Variants in TTN observed in about 807,000 individuals in gnomAD.
The protein encoded by TTN is titin, also known as connectin.
In TTN, 1,525 loss-of-function variants were observed where a neutral mutation model predicts 3,223.0. The ratio of observed to expected loss-of-function variants is 0.47; its 90% CI spans 0.45 to 0.49. The LOEUF (loss-of-function observed/expected upper bound fraction) is 0.49, where lower values mean the gene tolerates loss of function less well. Among genes scored for constraint, TTN ranks in the 20% least tolerant of loss-of-function variants. The probability of loss-of-function intolerance (pLI) is 0.00; values close to 1 mark genes in which losing one functional copy is unlikely to be tolerated. For missense variants in TTN, 40,786 were observed against 43,424.0 expected (o/e 0.94, Z 5.40); for synonymous variants, 14,094 against 15,161.0 (o/e 0.93, Z 5.17).
At chr2:178,758,887 AC>A in intron 44 of TTN, 96 bp downstream of exon 44, 1 of 1,259,350 alleles carries the variant, frequency 7.9e-7, no homozygotes, top group Non-Finnish European at 1.2e-6. Context: ...AATGGTAGGA[AC>A]AACAATGATT....
rs1233850583 is a variant in TTN, at chr2:178,558,164, C to T, written c.87190G>A (p.Val29064Ile). The change falls in exon 328 of 363, where the codon GTT becomes ATT. Residue 29064 changes from valine (V) to isoleucine (I), a missense_variant. Transcript: ENST00000589042. Reference sequence around the variant, plus strand: ...GGTTTTCCAGAGATTGGAATGTCAACTTTAAGGTTTGAACCAGCTCTAACA... The same window carrying T: ...GGTTTTCCAGAGATTGGAATGTCAATTTTAAGGTTTGAACCAGCTCTAACA... Reference protein sequence around the residue: ...VYVRAGSNLKVDIPISGKPLP... With the variant: ...VYVRAGSNLKIDIPISGKPLP... The T allele has an allele frequency of 6.2e-7, 1 of 1,613,760 alleles. No homozygotes were observed.
Position 178,777,867 on chromosome 2 carries a change from AG to A in TTN, c.4316del (p.Pro1439LeufsTer23). ...CATCTGTCTCCTCCAGCCTACGTCC[AG>A]GGGACATTCTTGCAGGGGACATCCG... ...PARMSPARMS[P>X]GRRLEETDES... On this transcript the variant is annotated frameshift_variant, in exon 25 of 363. Coordinates refer to ENST00000589042, the MANE Select transcript of TTN (RefSeq NM_001267550.2). LOFTEE classifies it high-confidence loss of function. The A allele has an allele frequency of 6.2e-7, 1 of 1,614,092 alleles. No homozygotes were observed. The highest frequency in any genetic ancestry group is 8.5e-7 in the Non-Finnish European group (1 of 1,179,948).
intron 43 of TTN, among the ~76,000 whole-genome samples, chr2:178,762,190 T>G (rs1004259341): frequency 1.3e-5 from 2 of 152,206 alleles, no homozygotes; most frequent in African/African-American, 4.8e-5. Flanking sequence ...GTAAATATTT[T>G]TAGTCCCAGT....
In TTN at chr2:178,725,417, G is replaced by T; in HGVS notation, c.20787C>A (p.Ile6929=). Reference sequence around the variant, plus strand: ...TCTCCCTCATTCCACCATCATTCTTGATTTGGCAGATATACTTTCCAGCAT... The same window carrying T: ...TCTCCCTCATTCCACCATCATTCTTTATTTGGCAGATATACTTTCCAGCAT... ...PANAGKYICQ[I]KNDGGMRENM... is the part of the protein sequence containing the mutation. Residue 6929 remains isoleucine (I), a synonymous_variant, in exon 71 of 363, where the codon ATC becomes ATA. Transcript: ENST00000589042. The T allele has an allele frequency of 6.2e-7, 1 of 1,608,302 alleles. No homozygotes were observed. Among genetic ancestry groups the T allele is most frequent in the Non-Finnish European group, 8.5e-7 (1 of 1,176,692 alleles).
chr2:178,554,110 G>C lies in TTN; in HGVS notation c.89001C>G (p.Gly29667=), dbSNP rs764158838. 1.2e-6 allele frequency: 2 copies of C among 1,613,816 alleles called. No homozygotes were observed. Among genetic ancestry groups the C allele is most frequent in the Admixed American group, 3.3e-5 (2 of 60,002 alleles). ...PIADGGSDIS[G]YFLEKRDKKS... ...TCTTGTCTCGTTTTTCAAGGAAATA[G>C]CCACTTATATCACTACCGCCATCTG... The change falls in exon 333 of 363, where the codon GGC becomes GGG. Residue 29667 remains glycine, a synonymous_variant. Coordinates refer to ENST00000589042, the MANE Select transcript of TTN (RefSeq NM_001267550.2).
In TTN at chr2:178,775,083, C is replaced by T. The variant is rs2154345509; in HGVS notation, c.6628G>A (p.Asp2210Asn). The T allele has an allele frequency of 6.2e-7, 1 of 1,614,026 alleles. No homozygotes were observed. The highest frequency in any genetic ancestry group is 8.5e-7 in the Non-Finnish European group (1 of 1,179,978). The change falls in exon 29 of 363, where the codon GAT becomes AAT. Residue 2210 changes from aspartate (D) to asparagine (N), a missense_variant. Physicochemically the swap from Asp to Asn is conservative, Grantham distance 23. Transcript: ENST00000589042. ...EPFVKVKWYKDGMEVHEGDKY... is the reference protein window; with the variant it reads ...EPFVKVKWYKNGMEVHEGDKY... The stretch of plus-strand genomic sequence containing the variant: ...TCTCCCTCATGAACCTCCATACCAT[C>T]TTTATACCATTTCACTTTGACAAAT...
At chr2:178,748,616 C>T in intron 47 of TTN, 1 of 1,613,072 alleles carries the variant, frequency 6.2e-7, no homozygotes, top group Non-Finnish European at 8.5e-7. Flanking sequence ...TGGTTGACCA[C>T]TATCTAATTC....
intron 259 of TTN, 86 bp from the exon 260 acceptor site, chr2:178,615,054 C>T (rs1047416116): frequency 2.5e-6 from 3 of 1,221,138 alleles, no homozygotes; most frequent in East Asian, 2.5e-5. Flanking sequence ...AAAATTCAAA[C>T]CCCTGGTATA....
Position 178,603,994 on chromosome 2 carries a change from A to T in TTN, c.54693T>A (p.Phe18231Leu). The change falls in exon 282 of 363, where the codon TTT becomes TTA. Residue 18231 changes from phenylalanine to leucine, a missense_variant. Physicochemically the swap from Phe to Leu is conservative, Grantham distance 22 (BLOSUM62 0). Transcript: ENST00000589042. ...CGCCTTCAAGCAAACGAGGAACATTAAATTCCACGCCTTTCAATCCCACTT... is the reference window on the plus strand; with the variant it reads ...CGCCTTCAAGCAAACGAGGAACATTTAATTCCACGCCTTTCAATCCCACTT... ...ITKVGLKGVE[F>L]NVPRLLEGVK... is the part of the protein sequence containing the mutation. 1 of 1,612,894 alleles carries T rather than the reference A, an allele frequency of 6.2e-7. No homozygotes were observed. Among genetic ancestry groups the T allele is most frequent in the African/African-American group, 1.3e-5 (1 of 74,964 alleles).
rs779709860 is a variant in TTN at position 178,724,417 on chromosome 2, C to A, written c.20958G>T (p.Lys6986Asn). The A allele has an allele frequency of 6.2e-7, 1 of 1,613,498 alleles. No homozygotes were observed. Among genetic ancestry groups the A allele is most frequent in the Admixed American group, 1.7e-5 (1 of 59,976 alleles). The stretch of plus-strand genomic sequence containing the variant: ...TGTGTTTTTGGCTGCTGGTCAACAG[C>A]TTTCCATCCTTGTACCATTCAACAG... The part of the protein sequence containing the change: ...ELSVEWYKDG[K>N]LLTSSQKHKF... Residue 6986 changes from lysine (K) to asparagine (N), a missense_variant, in exon 72 of 363, where the codon AAG (lysine) becomes AAT (asparagine). Coordinates refer to ENST00000589042, the MANE Select transcript of TTN (RefSeq NM_001267550.2).
chr2:178,680,471 C>A, intron 138 of TTN, 140 bp from the exon 139 acceptor site: 1 of 720,386 alleles, frequency 1.4e-6, no homozygotes, highest in South Asian at 1.8e-5. Context: ...CTTTAAGAAA[C>A]TATATACTCT....
chr2:178,552,706 T>C lies in TTN; in HGVS notation c.90194A>G (p.Tyr30065Cys). 1 of 1,613,926 alleles carries C rather than the reference T, an allele frequency of 6.2e-7. No individual in the cohort carries two copies. Among genetic ancestry groups the C allele is most frequent in the Non-Finnish European group, 8.5e-7 (1 of 1,179,828 alleles). The change falls in exon 335 of 363, where the codon TAT becomes TGT. Residue 30065 changes from tyrosine to cysteine, a missense_variant. Physicochemically the swap from Tyr to Cys is radical, Grantham distance 194. Transcript: ENST00000589042. ...ACCTTTACCTTTCCTTTCTACAACATATTCTGTGATGACGCTACCACCATC... is the reference window on the plus strand; with the variant it reads ...ACCTTTACCTTTCCTTTCTACAACACATTCTGTGATGACGCTACCACCATC... ...DFDGGSVITE[Y>C]VVERKGKGEQ...
At chr2:178,577,962 G>A in intron 322 of TTN, 26 bp downstream of exon 322, 2 of 1,599,122 alleles carry the variant, frequency 1.3e-6, no homozygotes, top group Non-Finnish European at 1.7e-6. Context: ...ACATGCACCT[G>A]GGTTTTTCTT....
Position 178,588,835 on chromosome 2 carries a change from G to GT in TTN, c.62889dup (p.Pro20964ThrfsTer5). On this transcript the variant is annotated frameshift_variant, in exon 304 of 363. Transcript: ENST00000589042. LOFTEE classifies it high-confidence loss of function. ...ACTTCTGGGGGATCAGGGCGACCAGGTTTATCATACTTGGTTTTGGCTATG... is the reference window on the plus strand; with the variant it reads ...ACTTCTGGGGGATCAGGGCGACCAGGTTTTATCATACTTGGTTTTGGCTATG... 6.2e-7 allele frequency: 1 copy of GT among 1,613,356 alleles called. No homozygotes were observed. The highest frequency in any genetic ancestry group is 8.5e-7 in the Non-Finnish European group (1 of 1,179,596).
chr2:178,591,979 G>A lies in TTN; in HGVS notation c.59925C>T (p.Leu19975=). The change falls in exon 302 of 363, where the codon CTC becomes CTT. Residue 19975 remains leucine (L), a splice_region_variant and synonymous_variant. Coordinates refer to ENST00000589042, the MANE Select transcript of TTN (RefSeq NM_001267550.2). ...TPKPIKALDP[L]HPPGPPKDLH... is the part of the protein sequence containing the mutation. ...TTGTATTCAGAGAAAGCAACTTACG[G>A]AGAGGATCCAAAGCCTTGATTGGTT... 6.2e-7 allele frequency: 1 copy of A among 1,611,488 alleles called. No individual in the cohort carries two copies. Among genetic ancestry groups the A allele is most frequent in the South Asian group, 1.1e-5 (1 of 90,500 alleles).
Position 178,679,566 on chromosome 2 carries a change from C to A in TTN, c.33664+33G>T, listed in dbSNP as rs540921684. ...TTAACTATTTCTAGGCAGATGAAGT[C>A]TCTTAGATACCCGTCAATGAATGGT... On this transcript the variant is annotated intron_variant, in intron 141 of 362. Coordinates refer to ENST00000589042, the MANE Select transcript of TTN (RefSeq NM_001267550.2). The A allele has an allele frequency of 8.1e-6, 13 of 1,600,464 alleles. No individual in the cohort carries two copies. The East Asian group carries it at 2.2e-4, about 27-fold the overall frequency.
chr2:178,598,722 A>T (rs1351802023), intron 291 of TTN, 26 bp downstream of exon 291: 2 of 1,603,362 alleles, frequency 1.2e-6, no homozygotes, highest in Non-Finnish European at 1.7e-6. Context: ...TAAGATTTAA[A>T]AAAAAGGAAT....
chr2:178,713,261 G>A lies in TTN; in HGVS notation c.26873C>T (p.Ser8958Phe), dbSNP rs751670561. Reference protein sequence around the residue: ...KVYGSPPISVSWFHEGNEISS... With the variant: ...KVYGSPPISVFWFHEGNEISS... The stretch of plus-strand genomic sequence containing the variant: ...GATCTCATTTCCTTCATGGAACCAG[G>A]AGACAGAGATTGGAGGTGACCCATA... Residue 8958 changes from serine to phenylalanine, a missense_variant, in exon 93 of 363, where the codon TCC (serine) becomes TTC (phenylalanine). Coordinates refer to ENST00000589042, the MANE Select transcript of TTN (RefSeq NM_001267550.2). 10 of 1,612,126 alleles carry A rather than the reference G, an allele frequency of 6.2e-6. No individual in the cohort carries two copies. In the East Asian group the frequency reaches 1.3e-4, roughly 22 times the overall value.
chr2:178,577,653 T>C lies in TTN; in HGVS notation c.68773A>G (p.Ile22925Val). 1 of 1,613,140 alleles carries C rather than the reference T, an allele frequency of 6.2e-7. No homozygotes were observed. The highest frequency in any genetic ancestry group is 1.1e-5 in the South Asian group (1 of 91,002). ...TCTGTACTTTCTGATGGAGCACTGA[T>C]AGCACCTGCTGTATTCTTTGCTCTA... ...RIRAKNTAGA[I>V]SAPSESTETI... The change falls in exon 323 of 363, where the codon ATC (isoleucine) becomes GTC (valine). Residue 22925 changes from isoleucine (I) to valine (V), a missense_variant. Coordinates refer to ENST00000589042, the MANE Select transcript of TTN (RefSeq NM_001267550.2).
Sources: allele counts gnomAD v4.1 joint callset (sites outside exome capture counted in the v4.1 genomes callset), GRCh38; gene constraint gnomAD v4.1.1; transcripts MANE v1.5; gene names NCBI Gene and HGNC (gene_info 2026-07-23, HGNC 2026-07-21).